Variants in STXBP6 observed in about 807,000 individuals in gnomAD.
The protein encoded by STXBP6 is syntaxin-binding protein 6.
STXBP6 carries 21 observed loss-of-function variants against 26.9 expected under a neutral mutation model. The ratio of observed to expected loss-of-function variants is 0.78; its 90% confidence interval spans 0.55 to 1.12. The LOEUF is 1.12. STXBP6 is among the 50% of genes most tolerant of loss of function. The probability of loss-of-function intolerance (pLI) is 0.00; values close to 1 mark genes in which losing one functional copy is unlikely to be tolerated. For missense variants in STXBP6, 232 were observed against 257.9 expected (o/e 0.90, Z 0.69); for synonymous variants, 97 against 92.6 (o/e 1.05, Z -0.27).
chr14:25,040,848 T>A (rs2140504063), intron 1 of STXBP6, among the ~76,000 whole-genome samples: 1 of 152,342 alleles, frequency 6.6e-6, no homozygotes. Context: ...TCATTCAAGA[T>A]TCCTGTTCCA....
intron 1 of STXBP6, among the ~76,000 whole-genome samples, chr14:24,977,409 C>T (rs1031406777): frequency 6.6e-6 from 1 of 151,688 alleles, no homozygotes; most frequent in African/African-American, 2.4e-5. Flanking sequence ...TACTGATAGT[C>T]AGTGACCAAG....
intron 2 of STXBP6, among the ~76,000 whole-genome samples, chr14:24,928,434 T>C (rs1279346664): frequency 1.3e-5 from 2 of 151,968 alleles, no homozygotes; most frequent in Admixed American, 6.6e-5. Context: ...ATCACAGCCA[T>C]ATGCTAAGCT....
intron 2 of STXBP6, among the ~76,000 whole-genome samples, chr14:24,929,290 C>A (rs893690922): frequency 6.6e-6 from 1 of 152,154 alleles, no homozygotes; most frequent in Non-Finnish European, 1.5e-5. Context: ...GGACACTTAC[C>A]CTTGCATTTT....
intron 1 of STXBP6, among the ~76,000 whole-genome samples, chr14:25,042,534 A>T (rs1156672140): frequency 2.0e-5 from 3 of 152,212 alleles, no homozygotes; most frequent in African/African-American, 7.2e-5. Context: ...TCTTACTCTG[A>T]TCATACAGAT....
chr14:24,932,059 G>A (rs1277452534), intron 2 of STXBP6, among the ~76,000 whole-genome samples: 4 of 152,164 alleles, frequency 2.6e-5, no homozygotes, highest in African/African-American at 9.7e-5. Flanking sequence ...AGATCGTTTA[G>A]GATCTTGGAA....
At chr14:24,839,691 T>A (rs1017177633) in intron 4 of STXBP6, among the ~76,000 whole-genome samples, 1 of 152,192 alleles carries the variant, frequency 6.6e-6, no homozygotes, top group Non-Finnish European at 1.5e-5. Context: ...CTGTTCAAAG[T>A]TCAAAGTGCT....
At chr14:24,918,116 G>A (rs1236739434) in intron 2 of STXBP6, among the ~76,000 whole-genome samples, 1 of 152,034 alleles carries the variant, frequency 6.6e-6, no homozygotes, top group African/African-American at 2.4e-5. Context: ...GGGGGAGGTT[G>A]TATCTAATAA....
chr14:24,862,086 C>G (rs2069559486), intron 2 of STXBP6, among the ~76,000 whole-genome samples: 1 of 152,182 alleles, frequency 6.6e-6, no homozygotes, highest in Non-Finnish European at 1.5e-5. Context: ...CAGCCTCAAT[C>G]TCCTGGGCTC....
intron 5 of STXBP6, chr14:24,817,780 G>C (rs1320504504): frequency 3.4e-6 from 1 of 291,412 alleles, no homozygotes; most frequent in African/African-American, 2.2e-5. Flanking sequence ...CTCCAGCAGG[G>C]CTGTCTGCAT....
intron 3 of STXBP6, among the ~76,000 whole-genome samples, chr14:24,856,809 C>A (rs181260301): frequency 6.6e-6 from 1 of 151,826 alleles, no homozygotes; most frequent in Admixed American, 6.6e-5. Flanking sequence ...CACATTTTTT[C>A]AATATGCATT....
Position 24,988,647 on chromosome 14 carries a change from G to T in STXBP6, c.-32-13797C>A, listed in dbSNP as rs74402714. Among the ~76,000 whole-genome samples, 645 of 152,318 alleles carry T rather than the reference G, an allele frequency of 4.2e-3. 14 individuals carry two copies. In the East Asian group the frequency reaches 0.045, roughly 11 times the overall value. ...TGTGAGTGACCTAGAACATATGCCT[G>T]CTCCAGCCTCTGCTTCCACCTGGGT... On this transcript the variant is annotated intron_variant, in intron 1 of 5. Coordinates refer to ENST00000323944, the MANE Select transcript of STXBP6 (RefSeq NM_001394410.1).
At chr14:25,026,240 G>C (rs954656738) in intron 1 of STXBP6, among the ~76,000 whole-genome samples, 1 of 152,096 alleles carries the variant, frequency 6.6e-6, no homozygotes, top group Non-Finnish European at 1.5e-5. Flanking sequence ...GACAGGCAAG[G>C]GAGATACTTA....
intron 4 of STXBP6, among the ~76,000 whole-genome samples, chr14:24,850,098 C>T (rs1053880011): frequency 1.4e-4 from 21 of 152,048 alleles, no homozygotes; most frequent in Admixed American, 1.1e-3. Flanking sequence ...AGAATGACCA[C>T]ACCAATCACT....
intron 2 of STXBP6, among the ~76,000 whole-genome samples, chr14:24,963,236 G>T (rs1182603493): frequency 1.3e-5 from 2 of 152,166 alleles, no homozygotes; most frequent in Non-Finnish European, 2.9e-5. Flanking sequence ...CTGAACAGAG[G>T]TATAACCCAC....
chr14:24,938,331 G>A (rs1177726881), intron 2 of STXBP6, among the ~76,000 whole-genome samples: 3 of 152,054 alleles, frequency 2.0e-5, no homozygotes, highest in African/African-American at 7.2e-5. Flanking sequence ...AATTCAGTCA[G>A]GCAAAGATTT....
rs563218088 is a variant in STXBP6, at chr14:24,846,363, A to G, written c.451+9573T>C. Among the ~76,000 whole-genome samples, 16 of 152,244 alleles carry G rather than the reference A, an allele frequency of 1.1e-4. No homozygotes were observed. The South Asian group carries it at 2.7e-3, about 26-fold the overall frequency. The stretch of plus-strand genomic sequence containing the variant: ...GAATATCCCTTTAGCAGCCTGTCTC[A>G]TATTTTTCTTTCTGTTTGTATCTTT... On this transcript the variant is annotated intron_variant, in intron 4 of 5. Transcript: ENST00000323944.
chr14:24,903,690 C>T (rs1038687445), intron 2 of STXBP6, among the ~76,000 whole-genome samples: 1 of 152,086 alleles, frequency 6.6e-6, no homozygotes, highest in Non-Finnish European at 1.5e-5. Context: ...TTATTTATAA[C>T]TTAGGGATCT....
At chr14:24,963,035 A>G (rs2073602328) in intron 2 of STXBP6, among the ~76,000 whole-genome samples, 1 of 152,204 alleles carries the variant, frequency 6.6e-6, no homozygotes, top group African/African-American at 2.4e-5. Context: ...ATACCTAGAT[A>G]TTATAAAACG....
At chr14:25,032,746 G>C (rs906595659) in intron 1 of STXBP6, among the ~76,000 whole-genome samples, 1 of 152,172 alleles carries the variant, frequency 6.6e-6, no homozygotes, top group African/African-American at 2.4e-5. Flanking sequence ...AACCCTCACA[G>C]ACACCTCAGA....
Sources: allele counts gnomAD v4.1 joint callset (sites outside exome capture counted in the v4.1 genomes callset), GRCh38; gene constraint gnomAD v4.1.1; transcripts MANE v1.5; gene names NCBI Gene and HGNC (gene_info 2026-07-23, HGNC 2026-07-21).